GALNT17: variants seen among roughly 807,000 people sequenced by gnomAD.
GALNT17 encodes UDP-GalNAc:polypeptide N-acetylgalactosaminyltransferase-like 3.
GALNT17 carries 29 observed loss-of-function variants against 63.7 expected under a neutral mutation model. That is an observed-to-expected ratio of 0.46 (90% CI 0.34 to 0.62). The LOEUF is 0.62. Ranked by LOEUF, GALNT17 falls within the 20% of genes least tolerant of loss-of-function variation. The probability of loss-of-function intolerance (pLI) is 0.01; values close to 1 mark genes in which losing one functional copy is unlikely to be tolerated. For missense variants in GALNT17, 603 were observed against 799.6 expected, an observed-to-expected ratio of 0.75 and a Z score of 2.97; for synonymous variants, 305 against 318.3, an observed-to-expected ratio of 0.96 and a Z score of 0.45.
chr7:71,385,540 G>A (rs1400032966), intron 2 of GALNT17, among the ~76,000 whole-genome samples: 1 of 152,176 alleles, frequency 6.6e-6, no homozygotes, highest in Non-Finnish European at 1.5e-5. Flanking sequence ...TCCAGGGCTT[G>A]GGGGCAGAAC....
At chr7:71,141,834 G>A (rs77735478) in intron 1 of GALNT17, among the ~76,000 whole-genome samples, 7,463 of 141,800 alleles carry the variant, frequency 0.053, 656 homozygotes, top group African/African-American at 0.18. Flanking sequence ...GCGCCACCAC[G>A]TCTGGCTGTG....
intron 6 of GALNT17, among the ~76,000 whole-genome samples, chr7:71,576,529 T>TTGTG (rs3048366): frequency 0.39 from 55,862 of 142,676 alleles, 11,329 homozygotes; most frequent in East Asian, 0.54. Flanking sequence ...TTTTTTAACT[T>TTGTG]TGTGTGTGTG....
chr7:71,422,804 A>G (rs1316335726), intron 5 of GALNT17, among the ~76,000 whole-genome samples: 2 of 152,202 alleles, frequency 1.3e-5, no homozygotes, highest in Non-Finnish European at 2.9e-5. Flanking sequence ...TCCTTGCCCT[A>G]GTGTGTCAGA....
chr7:71,362,953 A>G (rs374476391), intron 2 of GALNT17, among the ~76,000 whole-genome samples: 1 of 151,030 alleles, frequency 6.6e-6, no homozygotes, highest in African/African-American at 2.4e-5. Context: ...ACCTTCTTCC[A>G]TTTCTTTCTT....
intron 1 of GALNT17, among the ~76,000 whole-genome samples, chr7:71,133,897 G>A (rs191774963): frequency 2.6e-5 from 4 of 152,274 alleles, no homozygotes; most frequent in East Asian, 1.9e-4. Flanking sequence ...AGGCAGATAC[G>A]TACTTAGGTA....
At chr7:71,138,849 C>A (rs1413914782) in intron 1 of GALNT17, among the ~76,000 whole-genome samples, 1 of 152,178 alleles carries the variant, frequency 6.6e-6, no homozygotes, top group East Asian at 1.9e-4. Context: ...GTGGCTGGTG[C>A]CTGTAATCCC....
chr7:71,582,655 T>C (rs769505923), intron 6 of GALNT17, among the ~76,000 whole-genome samples: 1 of 152,158 alleles, frequency 6.6e-6, no homozygotes, highest in Non-Finnish European at 1.5e-5. Flanking sequence ...AATGAATTAA[T>C]GGCATTTGCA....
chr7:71,247,727 G>A (rs761350563), intron 1 of GALNT17, among the ~76,000 whole-genome samples: 3 of 152,234 alleles, frequency 2.0e-5, no homozygotes, highest in South Asian at 4.1e-4. Flanking sequence ...AAAGTGCTGC[G>A]ATTACAGGCA....
chr7:71,391,227 G>A (rs1793044379), intron 3 of GALNT17, among the ~76,000 whole-genome samples: 1 of 152,208 alleles, frequency 6.6e-6, no homozygotes, highest in South Asian at 2.1e-4. Flanking sequence ...CCAGAGAGGA[G>A]CATGAACTGC....
chr7:71,685,237 A>G (rs1261729779), intron 9 of GALNT17, among the ~76,000 whole-genome samples: 1 of 152,156 alleles, frequency 6.6e-6, no homozygotes, highest in African/African-American at 2.4e-5. Context: ...TCAGGAAATA[A>G]TCACACAGTT....
chr7:71,289,380 ATTTT>A (rs901934452), intron 1 of GALNT17, among the ~76,000 whole-genome samples: 17 of 152,056 alleles, frequency 1.1e-4, no homozygotes, highest in Admixed American at 1.0e-3. Context: ...TGGTTTTTAA[ATTTT>A]TGTCTTTCTT....
At chr7:71,356,046 C>G (rs1489877452) in intron 2 of GALNT17, among the ~76,000 whole-genome samples, 1 of 151,838 alleles carries the variant, frequency 6.6e-6, no homozygotes, top group Non-Finnish European at 1.5e-5. Context: ...GGCGCGATCT[C>G]GGCTGACTGC....
chr7:71,687,000 C>G (rs1369804425), intron 9 of GALNT17, among the ~76,000 whole-genome samples: 2 of 152,136 alleles, frequency 1.3e-5, no homozygotes, highest in Non-Finnish European at 2.9e-5. Context: ...GTGGGAGTCC[C>G]TCTTGGAAGG....
chr7:71,424,145 T>C (rs1786716101), intron 5 of GALNT17, among the ~76,000 whole-genome samples: 1 of 152,180 alleles, frequency 6.6e-6, no homozygotes, highest in South Asian at 2.1e-4. Context: ...CTGCAAATAA[T>C]ATTAATAGTG....
intron 6 of GALNT17, among the ~76,000 whole-genome samples, chr7:71,647,271 G>C (rs1289062941): frequency 6.8e-6 from 1 of 147,972 alleles, no homozygotes; most frequent in Non-Finnish European, 1.5e-5. Flanking sequence ...ATTTCACCAT[G>C]TTGGCCAGGC....
At chr7:71,525,569 T>G (rs367792583) in intron 5 of GALNT17, among the ~76,000 whole-genome samples, 9 of 151,824 alleles carry the variant, frequency 5.9e-5, no homozygotes, top group African/African-American at 2.2e-4. Flanking sequence ...GGCTTCTCCT[T>G]TCGTTTAGTT....
chr7:71,210,355 T>C (rs1239918971), intron 1 of GALNT17, among the ~76,000 whole-genome samples: 1 of 152,016 alleles, frequency 6.6e-6, no homozygotes, highest in African/African-American at 2.4e-5. Context: ...CAAGTTGGTT[T>C]TGGACTCCTG....
At chr7:71,597,905 A>C (rs144314805) in intron 6 of GALNT17, among the ~76,000 whole-genome samples, 3 of 150,840 alleles carry the variant, frequency 2.0e-5, no homozygotes, top group African/African-American at 7.3e-5. Flanking sequence ...ACTTTTTCTC[A>C]TGATCCCCTG....
intron 5 of GALNT17, among the ~76,000 whole-genome samples, chr7:71,521,596 C>T (rs1230545053): frequency 1.3e-5 from 2 of 152,224 alleles, no homozygotes; most frequent in Non-Finnish European, 2.9e-5. Context: ...TGACTGAACG[C>T]AGTTCTGAGC....
Sources: allele counts gnomAD v4.1 joint callset (sites outside exome capture counted in the v4.1 genomes callset), GRCh38; gene constraint gnomAD v4.1.1; transcripts MANE v1.5; gene names NCBI Gene and HGNC (gene_info 2026-07-23, HGNC 2026-07-21).